The following MEIS2 variants were observed in gnomAD, a reference collection of about 807,000 sequenced individuals.
MEIS2 encodes homeobox protein Meis2.
MEIS2 carries 9 observed loss-of-function variants against 58.6 expected under a neutral mutation model. The ratio of observed to expected loss-of-function variants is 0.15; its 90% CI spans 0.09 to 0.27. The LOEUF (loss-of-function observed/expected upper bound fraction) is 0.27. Among genes scored for constraint, MEIS2 ranks in the 10% least tolerant of loss-of-function variants. The pLI, the probability that MEIS2 is intolerant of heterozygous loss-of-function variation, is 1.00. For missense variants in MEIS2, 427 were observed against 635.0 expected, an observed-to-expected ratio of 0.67 and a Z score of 3.52; for synonymous variants, 221 against 228.4, an observed-to-expected ratio of 0.97 and a Z score of 0.29.
chr15:37,035,355 G>T (rs775331002), intron 8 of MEIS2, among the ~76,000 whole-genome samples: 2 of 152,318 alleles, frequency 1.3e-5, no homozygotes, highest in East Asian at 1.9e-4. Flanking sequence ...ACATGGCAAG[G>T]TTCAGGGCTT....
intron 8 of MEIS2, among the ~76,000 whole-genome samples, chr15:36,989,185 TTTGAGAGTTAACA>T (rs1455027729): frequency 6.6e-6 from 1 of 152,212 alleles, no homozygotes; most frequent in Non-Finnish European, 1.5e-5. Flanking sequence ...AGTCATGTTC[TTTGAGAGTTAACA>T]AGTCAGGACA....
intron 8 of MEIS2, 53 bp downstream of exon 8, chr15:37,036,761 T>G (rs1489822572): frequency 2.5e-6 from 4 of 1,583,676 alleles, no homozygotes; most frequent in Non-Finnish European, 2.6e-6. Flanking sequence ...ACCGTATAAC[T>G]TGCTAGCAAA....
intron 8 of MEIS2, among the ~76,000 whole-genome samples, chr15:37,009,284 G>A (rs1352224376): frequency 1.3e-5 from 2 of 151,754 alleles, no homozygotes; most frequent in Non-Finnish European, 2.9e-5. Flanking sequence ...GCGAGACTCC[G>A]TCTCAAAAAA....
intron 6 of MEIS2, among the ~76,000 whole-genome samples, chr15:37,084,320 TCTGCAAAATTCAATGA>T (rs779045309): frequency 1.3e-3 from 198 of 152,238 alleles, no homozygotes; most frequent in Non-Finnish European, 2.2e-3. Flanking sequence ...AACATTCACA[TCTGCAAAATTCAATGA>T]CTCCATTAAA....
At chr15:37,034,882 G>A (rs141265904) in intron 8 of MEIS2, among the ~76,000 whole-genome samples, 19 of 152,106 alleles carry the variant, frequency 1.2e-4, no homozygotes, top group African/African-American at 3.4e-4. Context: ...TGGAAGTCTC[G>A]GGCCCTTGTC....
intron 8 of MEIS2, among the ~76,000 whole-genome samples, chr15:37,011,599 T>G (rs2061156762): frequency 7.0e-6 from 1 of 142,586 alleles, no homozygotes; most frequent in South Asian, 2.3e-4. Flanking sequence ...GACCAGCATC[T>G]ATCAGTGGTT....
chr15:36,993,901 A>G (rs6495883), intron 8 of MEIS2, among the ~76,000 whole-genome samples: 50,335 of 151,976 alleles, frequency 0.33, 8,827 homozygotes, highest in African/African-American at 0.4. Flanking sequence ...AAATCTTACA[A>G]TGATAGTCTT....
At chr15:36,930,524 C>T (rs1271637084) in intron 9 of MEIS2, among the ~76,000 whole-genome samples, 4 of 152,112 alleles carry the variant, frequency 2.6e-5, no homozygotes, top group Admixed American at 6.6e-5. Context: ...TATGCATTAT[C>T]GCTCATTCCT....
chr15:37,045,986 A>G (rs1199064574), intron 7 of MEIS2, among the ~76,000 whole-genome samples: 1 of 152,194 alleles, frequency 6.6e-6, no homozygotes, highest in African/African-American at 2.4e-5. Context: ...TATGAGCAGA[A>G]AGGGAAAAAA....
chr15:37,072,291 C>T (rs116828312), intron 7 of MEIS2, among the ~76,000 whole-genome samples: 22 of 152,132 alleles, frequency 1.4e-4, no homozygotes, highest in African/African-American at 5.3e-4. Flanking sequence ...CCTGGAAAAT[C>T]AGATTCCCAG....
intron 7 of MEIS2, among the ~76,000 whole-genome samples, chr15:37,040,925 C>G (rs1252517885): frequency 6.6e-6 from 1 of 152,198 alleles, no homozygotes; most frequent in Admixed American, 6.5e-5. Context: ...ATCAGAGTAT[C>G]ACTGATGCTT....
At chr15:36,935,427 AT>A in intron 9 of MEIS2, among the ~76,000 whole-genome samples, 1 of 152,138 alleles carries the variant, frequency 6.6e-6, no homozygotes, top group Middle Eastern at 3.4e-3. Flanking sequence ...TGGACTGTAA[AT>A]ATTTCATTTA....
intron 8 of MEIS2, among the ~76,000 whole-genome samples, chr15:36,953,796 AGCTATCTTTATTC>A (rs2058850839): frequency 6.6e-6 from 1 of 152,190 alleles, no homozygotes; most frequent in South Asian, 2.1e-4. Context: ...TTTGAAAGCA[AGCTATCTTTATTC>A]AAGATAGTGA....
At chr15:37,037,013 C>A (rs1595981557) in intron 7 of MEIS2, 54 bp from the exon 8 acceptor site, 3 of 1,530,996 alleles carry the variant, frequency 2.0e-6, no homozygotes, top group Admixed American at 2.0e-5. Context: ...GTGCCAACAA[C>A]AAGTGCAGCT....
At position 37,083,764 on chromosome 15, in the gene MEIS2, C is replaced by T. The variant is rs771958610; in HGVS notation, c.754+7G>A. The T allele has an allele frequency of 6.2e-7, 1 of 1,610,952 alleles. No individual in the cohort carries two copies. Among genetic ancestry groups the T allele is most frequent in the Non-Finnish European group, 8.5e-7 (1 of 1,178,406 alleles). ...ACTTTGCACGAGGAAAATGTTTGACCTTTTACCTTGCTCACTGCTGTTGTC... is the reference window on the plus strand; with the variant it reads ...ACTTTGCACGAGGAAAATGTTTGACTTTTTACCTTGCTCACTGCTGTTGTC... On this transcript the variant is annotated splice_region_variant and intron_variant, in intron 7 of 11. Transcript: ENST00000561208.
intron 8 of MEIS2, among the ~76,000 whole-genome samples, chr15:37,025,884 T>C (rs1055757248): frequency 7.9e-5 from 12 of 152,108 alleles, no homozygotes; most frequent in Admixed American, 7.9e-4. Flanking sequence ...ACATAAAACC[T>C]TCAGGTCTAA....
intron 8 of MEIS2, among the ~76,000 whole-genome samples, chr15:37,026,629 G>A (rs189853135): frequency 6.6e-5 from 10 of 152,084 alleles, no homozygotes; most frequent in South Asian, 2.1e-4. Flanking sequence ...CAGATTTGGC[G>A]GGGGGAGAGT....
At chr15:36,970,132 G>A (rs145761942) in intron 8 of MEIS2, among the ~76,000 whole-genome samples, 76 of 152,256 alleles carry the variant, frequency 5.0e-4, no homozygotes, top group African/African-American at 1.8e-3. Flanking sequence ...GGTCAGGCGC[G>A]GTGGCTCACG....
intron 8 of MEIS2, among the ~76,000 whole-genome samples, chr15:36,965,008 C>G (rs2059309540): frequency 6.6e-6 from 1 of 152,124 alleles, no homozygotes; most frequent in African/African-American, 2.4e-5. Context: ...TCTCATCTCA[C>G]TTGATAAAGG....
Sources: gnomAD v4.1 joint callset for allele counts (sites outside exome capture counted in the v4.1 genomes callset) on GRCh38, gnomAD v4.1.1 for gene constraint, MANE v1.5 for transcripts, NCBI Gene and HGNC (gene_info 2026-07-23, HGNC 2026-07-21) for gene names.